Variants in UNC13B observed in about 807,000 individuals in gnomAD.
UNC13B encodes the protein unc-13 homolog B.
In UNC13B, 144 loss-of-function variants were observed where a neutral mutation model predicts 211.0. That is an observed-to-expected ratio of 0.68 (90% CI 0.60 to 0.78). The LOEUF is 0.78. UNC13B is among the 30% of genes least tolerant of loss of function. The pLI is 0.00. For synonymous variants in UNC13B, 709 were observed against 725.8 expected, an observed-to-expected ratio of 0.98 and a Z score of 0.37; for missense variants, 1,777 against 2,002.0, an observed-to-expected ratio of 0.89 and a Z score of 2.14.
At chr9:35,332,832 T>G (rs551137272) in intron 11 of UNC13B, among the ~76,000 whole-genome samples, 32 of 152,360 alleles carry the variant, frequency 2.1e-4, no homozygotes, top group Non-Finnish European at 4.1e-4. Flanking sequence ...TCAACTTTGA[T>G]GTTAATCACA....
intron 11 of UNC13B, among the ~76,000 whole-genome samples, chr9:35,348,943 A>T (rs1470149572): frequency 6.6e-6 from 1 of 151,682 alleles, no homozygotes; most frequent in Non-Finnish European, 1.5e-5. Context: ...TTTTTGAGAC[A>T]GTCTTGCTCT....
At position 35,354,971 on chromosome 9, in the gene UNC13B, A is replaced by C. The variant is rs375348106; in HGVS notation, c.9415-11976A>C. ...AGGCTATTTTTGAAGCATAGCTTTTAATAGCAAAGATTAAAAATAACCTAA... is the reference window on the plus strand; with the variant it reads ...AGGCTATTTTTGAAGCATAGCTTTTCATAGCAAAGATTAAAAATAACCTAA... On this transcript the variant is annotated intron_variant, in intron 11 of 39. Coordinates refer to ENST00000635942, the MANE Select transcript of UNC13B (RefSeq NM_001371189.2). Among the ~76,000 whole-genome samples the C allele has an allele frequency of 8.5e-5, 13 of 152,338 alleles. No homozygotes were observed. In the East Asian group the frequency reaches 2.5e-3, roughly 29 times the overall value.
intron 1 of UNC13B, among the ~76,000 whole-genome samples, chr9:35,169,522 A>G (rs1821223637): frequency 6.6e-6 from 1 of 152,208 alleles, no homozygotes; most frequent in African/African-American, 2.4e-5. Flanking sequence ...GATACTTCTC[A>G]TCTCCTTCCC....
Position 35,397,207 on chromosome 9 carries a change from T to C in UNC13B, c.11573T>C (p.Val3858Ala). ...TSEHALFSCSVVDVFTQLNQS... is the reference protein window; with the variant it reads ...TSEHALFSCSAVDVFTQLNQS... ...GAGCATGCACTCTTTTCCTGCTCTG[T>C]GGTGGATGTCTTCACACAACTCAAT... The change falls in exon 29 of 40, where the codon GTG becomes GCG. Residue 3858 changes from valine (V) to alanine (A), a missense_variant. Transcript: ENST00000635942. The C allele has an allele frequency of 1.2e-6, 2 of 1,614,188 alleles. No individual in the cohort carries two copies. Among genetic ancestry groups the C allele is most frequent in the South Asian group, 2.2e-5 (2 of 91,084 alleles).
intron 6 of UNC13B, among the ~76,000 whole-genome samples, chr9:35,246,071 T>C (rs1826080487): frequency 6.6e-6 from 1 of 152,184 alleles, no homozygotes; most frequent in Non-Finnish European, 1.5e-5. Flanking sequence ...TATGTCATTG[T>C]GGTTTTGATT....
At chr9:35,337,679 G>GAA (rs1246968531) in intron 11 of UNC13B, among the ~76,000 whole-genome samples, 1 of 152,174 alleles carries the variant, frequency 6.6e-6, no homozygotes, top group Non-Finnish European at 1.5e-5. Flanking sequence ...ATCCTGTAGG[G>GAA]AAAAACCCAC....
At chr9:35,362,438 T>G (rs1833481808) in intron 11 of UNC13B, among the ~76,000 whole-genome samples, 2 of 152,310 alleles carry the variant, frequency 1.3e-5, no homozygotes, top group South Asian at 4.1e-4. Context: ...TATAACTCCT[T>G]TGAGAAGTGG....
At chr9:35,379,194 TC>T (rs1380037277) in intron 17 of UNC13B, among the ~76,000 whole-genome samples, 1 of 152,124 alleles carries the variant, frequency 6.6e-6, no homozygotes, top group African/African-American at 2.4e-5. Context: ...ACACCTGTAA[TC>T]CCAGCACTTT....
chr9:35,390,020 CATCT>C (rs1277241899), intron 25 of UNC13B, 47 bp downstream of exon 25: 1 of 1,606,692 alleles, frequency 6.2e-7, no homozygotes, highest in Non-Finnish European at 8.5e-7. Flanking sequence ...TTGGTCTGTC[CATCT>C]GTCTAACAAC....
Position 35,397,720 on chromosome 9 carries a change from C to G in UNC13B, c.11754+8C>G. 6.2e-7 allele frequency: 1 copy of G among 1,613,840 alleles called. No homozygotes were observed. On this transcript the variant is annotated splice_region_variant and intron_variant, in intron 30 of 39. Coordinates refer to ENST00000635942, the MANE Select transcript of UNC13B (RefSeq NM_001371189.2). ...TGCACAAAGGAGAAACTGGTAGGTT[C>G]AGGCCCTGGGACTCTTACAGAAAGA...
intron 1 of UNC13B, among the ~76,000 whole-genome samples, chr9:35,165,834 T>C (rs1274898882): frequency 1.3e-4 from 20 of 152,230 alleles, no homozygotes; most frequent in Non-Finnish European, 2.9e-5. Context: ...GCTTTACTTA[T>C]AATACGGATA....
At chr9:35,385,440 G>A (rs192365288) in intron 22 of UNC13B, 2,289 of 985,332 alleles carry the variant, frequency 2.3e-3, no homozygotes, top group Non-Finnish European at 2.7e-3. Context: ...GTGTGCCTGT[G>A]TGTTCCTTTG....
chr9:35,186,635 C>T (rs1232563690), intron 1 of UNC13B, among the ~76,000 whole-genome samples: 1 of 152,100 alleles, frequency 6.6e-6, no homozygotes, highest in Non-Finnish European at 1.5e-5. Flanking sequence ...AAAAAGCTGA[C>T]TGGTGGCAGA....
chr9:35,166,108 G>T (rs758264530), intron 1 of UNC13B, among the ~76,000 whole-genome samples: 1 of 152,016 alleles, frequency 6.6e-6, no homozygotes, highest in Non-Finnish European at 1.5e-5. Context: ...CAGGCCAGTC[G>T]TGGTGGCTCT....
intron 11 of UNC13B, among the ~76,000 whole-genome samples, chr9:35,326,209 C>T (rs897045005): frequency 1.3e-5 from 2 of 152,024 alleles, no homozygotes; most frequent in Non-Finnish European, 2.9e-5. Context: ...TTTGCATTTC[C>T]TTAGTAACTA....
intron 7 of UNC13B, among the ~76,000 whole-genome samples, chr9:35,279,671 T>C (rs960329231): frequency 6.6e-6 from 1 of 152,234 alleles, no homozygotes; most frequent in African/African-American, 2.4e-5. Flanking sequence ...ATCTGTTGGA[T>C]GAATAGCTAA....
At chr9:35,390,091 A>G in intron 25 of UNC13B, 118 bp downstream of exon 25, 1 of 1,517,744 alleles carries the variant, frequency 6.6e-7, no homozygotes, top group Non-Finnish European at 8.9e-7. Flanking sequence ...CTGTCCATCC[A>G]TCTGTCCCTC....
chr9:35,300,756 C>G lies in UNC13B; in HGVS notation c.1352C>G (p.Pro451Arg). ...EEITPSSIEE[P>R]KEDRIDTMDE... The stretch of plus-strand genomic sequence containing the variant: ...ATAACCCCTTCCTCTATTGAGGAGC[C>G]CAAGGAGGACCGTATTGATACAATG... Residue 451 changes from proline (P) to arginine (R), a missense_variant, in exon 9 of 40, where the codon CCC becomes CGC. Physicochemically the swap from Pro to Arg is moderately radical, Grantham distance 103. Transcript: ENST00000635942. 1 of 398,808 alleles carries G rather than the reference C, an allele frequency of 2.5e-6. No homozygotes were observed. Among genetic ancestry groups the G allele is most frequent in the Admixed American group, 4.4e-5 (1 of 22,714 alleles). 24.7% of individuals were successfully genotyped at this position (398,808 alleles called of 1,614,324 possible).
At chr9:35,205,361 A>C (rs73497387) in intron 1 of UNC13B, among the ~76,000 whole-genome samples, 1 of 151,930 alleles carries the variant, frequency 6.6e-6, no homozygotes, top group Admixed American at 6.6e-5. Context: ...GGTTTACTTT[A>C]AAAAAAATAG....
Sources: gnomAD v4.1 joint callset for allele counts (sites outside exome capture counted in the v4.1 genomes callset) on GRCh38, gnomAD v4.1.1 for gene constraint, MANE v1.5 for transcripts, NCBI Gene and HGNC (gene_info 2026-07-23, HGNC 2026-07-21) for gene names.